The following KCTD1 variants were observed in gnomAD, a reference collection of about 807,000 sequenced individuals.
KCTD1 encodes the protein BTB/POZ domain-containing protein KCTD1.
In KCTD1, 24 loss-of-function variants were observed where a neutral mutation model predicts 66.0. The observed-to-expected ratio is 0.36, with a 90% CI of 0.26 to 0.51. The LOEUF (loss-of-function observed/expected upper bound fraction) is 0.51, where lower values mean the gene tolerates loss of function less well. Ranked by LOEUF, KCTD1 falls within the 20% of genes least tolerant of loss-of-function variation. KCTD1 has a pLI of 0.95. For missense variants in KCTD1, 943 were observed against 1,205.2 expected (o/e 0.78, Z 3.22); for synonymous variants, 511 against 517.2 (o/e 0.99, Z 0.16).
At chr18:26,567,557 G>C (rs1165370251) in intron 1 of KCTD1, among the ~76,000 whole-genome samples, 1 of 149,136 alleles carries the variant, frequency 6.7e-6, no homozygotes, top group African/African-American at 2.5e-5. Flanking sequence ...GCATGATCTC[G>C]GCTCACTGCA....
chr18:26,562,342 C>T (rs984541253), intron 1 of KCTD1, among the ~76,000 whole-genome samples: 1 of 151,392 alleles, frequency 6.6e-6, no homozygotes, highest in Non-Finnish European at 1.5e-5. Context: ...AGTGACTTTC[C>T]TACCTCAGTC....
At chr18:26,575,928 G>C (rs1395556442) in intron 1 of KCTD1, among the ~76,000 whole-genome samples, 5 of 152,184 alleles carry the variant, frequency 3.3e-5, no homozygotes, top group Admixed American at 2.0e-4. Context: ...TATTAGCATG[G>C]CTTGCTTGCT....
intron 1 of KCTD1, among the ~76,000 whole-genome samples, chr18:26,617,318 T>A (rs1987276671): frequency 1.3e-5 from 2 of 152,224 alleles, no homozygotes; most frequent in Non-Finnish European, 2.9e-5. Context: ...TCCACAGAGC[T>A]AGTTATGTCA....
upstream of KCTD1, among the ~76,000 whole-genome samples, chr18:26,550,334 A>AT (rs879259595): frequency 0.026 from 3,703 of 144,998 alleles, 112 homozygotes; most frequent in African/African-American, 0.071. This position sits in a 1 kb window ranked among gnomAD's most constrained non-coding sequence, Gnocchi z 5.4. Flanking sequence ...ATCAATTTGC[A>AT]TTTTTTTTTT....
intron 1 of KCTD1, among the ~76,000 whole-genome samples, chr18:26,576,651 C>A (rs1350136226): frequency 6.6e-6 from 1 of 152,116 alleles, no homozygotes; most frequent in African/African-American, 2.4e-5. Flanking sequence ...ACTGTTAAAG[C>A]CTTTCTTCAC....
chr18:26,524,127 C>T (rs1430951344), intron 1 of KCTD1, among the ~76,000 whole-genome samples: 1 of 152,218 alleles, frequency 6.6e-6, no homozygotes, highest in East Asian at 1.9e-4. Flanking sequence ...TGAAAAGATG[C>T]ATCCTACCCA....
At chr18:26,505,617 C>T (rs905956299) in intron 1 of KCTD1, among the ~76,000 whole-genome samples, 25 of 151,982 alleles carry the variant, frequency 1.6e-4, no homozygotes, top group African/African-American at 5.6e-4. Flanking sequence ...AGTGCAGTGG[C>T]GCAATCATAG....
chr18:26,567,978 C>T (rs1409744066), intron 1 of KCTD1, among the ~76,000 whole-genome samples: 1 of 152,138 alleles, frequency 6.6e-6, no homozygotes, highest in African/African-American at 2.4e-5. Flanking sequence ...TCAAGATGAT[C>T]AAGGCCTCAT....
intron 1 of KCTD1, among the ~76,000 whole-genome samples, chr18:26,654,784 G>T (rs1297841870): frequency 6.6e-6 from 1 of 152,136 alleles, no homozygotes; most frequent in Non-Finnish European, 1.5e-5. Flanking sequence ...AAAGTTTCAT[G>T]GTCACCTTTG....
At chr18:26,638,947 T>C (rs1349381115) in intron 1 of KCTD1, among the ~76,000 whole-genome samples, 2 of 152,238 alleles carry the variant, frequency 1.3e-5, no homozygotes, top group African/African-American at 4.8e-5. Context: ...GTTCCTTCTT[T>C]GCCTCTCCAT....
chr18:26,502,961 G>C (rs555735553), intron 1 of KCTD1, among the ~76,000 whole-genome samples: 20 of 152,196 alleles, frequency 1.3e-4, no homozygotes, highest in Non-Finnish European at 2.6e-4. Flanking sequence ...GGGCACAACT[G>C]TTAGACTACT....
At chr18:26,512,976 C>G (rs1200712539) in intron 1 of KCTD1, among the ~76,000 whole-genome samples, 1 of 151,400 alleles carries the variant, frequency 6.6e-6, no homozygotes, top group Non-Finnish European at 1.5e-5. Context: ...GAAAGACTGT[C>G]TCAAAAAAAA....
chr18:26,457,550 G>A (rs916862045), intron 4 of KCTD1: 1 of 152,182 alleles, frequency 6.6e-6, no homozygotes, highest in Non-Finnish European at 1.5e-5. Context: ...CTAACAGGAG[G>A]AAATCGCTAA....
At chr18:26,492,667 C>G (rs536825657) in intron 2 of KCTD1, among the ~76,000 whole-genome samples, 56 of 151,466 alleles carry the variant, frequency 3.7e-4, no homozygotes, top group Admixed American at 2.2e-3. Context: ...CCATTGTTAT[C>G]AAAGAGGAGG....
chr18:26,611,902 T>G (rs754996210), intron 1 of KCTD1, among the ~76,000 whole-genome samples: 2 of 152,182 alleles, frequency 1.3e-5, no homozygotes, highest in Non-Finnish European at 2.9e-5. Context: ...CTTTTGGGGT[T>G]TTGCTTTTAA....
intron 1 of KCTD1, among the ~76,000 whole-genome samples, chr18:26,613,082 A>C (rs1026429490): frequency 2.0e-5 from 3 of 152,206 alleles, no homozygotes; most frequent in Admixed American, 6.5e-5. Context: ...GCCAACCACA[A>C]TGCCTGAACT....
intron 2 of KCTD1, among the ~76,000 whole-genome samples, chr18:26,487,031 GAAGC>G (rs1295829975): frequency 6.6e-6 from 1 of 152,136 alleles, no homozygotes; most frequent in Non-Finnish European, 1.5e-5. Context: ...AAGATACCTG[GAAGC>G]AAGTAACTGA....
chr18:26,647,339 C>CCA (rs1555649525), intron 1 of KCTD1, among the ~76,000 whole-genome samples: 3 of 149,394 alleles, frequency 2.0e-5, no homozygotes, highest in Non-Finnish European at 4.5e-5. Context: ...AAACCCCCCC[C>CCA]CCATCTCTAC....
Position 26,498,410 on chromosome 18 carries a change from T to C in KCTD1, c.1988+2662A>G, listed in dbSNP as rs557594073. 3.3e-5 allele frequency among the ~76,000 whole-genome samples: 5 copies of C among 150,882 alleles called. No homozygotes were observed. The East Asian group carries it at 9.7e-4, about 29-fold the overall frequency. On this transcript the variant is annotated intron_variant, in intron 2 of 4. Coordinates refer to ENST00000580059, the MANE Select transcript of KCTD1 (RefSeq NM_001142730.3). Reference sequence around the variant, plus strand: ...GAGATGCTTTTATAAAAACATCTGTTTCATAGTTCAGCGCTGTCCAACAGA... The same window carrying C: ...GAGATGCTTTTATAAAAACATCTGTCTCATAGTTCAGCGCTGTCCAACAGA...
Sources: gnomAD v4.1 joint callset for allele counts (sites outside exome capture counted in the v4.1 genomes callset) on GRCh38, gnomAD v4.1.1 for gene constraint, Gnocchi (gnomAD v3.1) non-coding constraint, MANE v1.5 for transcripts, NCBI Gene and HGNC (gene_info 2026-07-23, HGNC 2026-07-21) for gene names.